The following TRPA1 variants were observed in gnomAD, a reference collection of about 807,000 sequenced individuals.
TRPA1 encodes the protein ankyrin-like with transmembrane domains 1.
Under a neutral mutation model 131.3 loss-of-function variants are expected in TRPA1, and 129 were observed. The observed-to-expected ratio is 0.98, with a 90% CI of 0.85 to 1.14. TRPA1 has a LOEUF of 1.14. Ranked by LOEUF, TRPA1 falls within the 50% of genes most tolerant of loss-of-function variation. The pLI is 0.00. For synonymous variants in TRPA1, 441 were observed against 451.7 expected, an observed-to-expected ratio of 0.98 and a Z score of 0.30; for missense variants, 1,304 against 1,354.2, an observed-to-expected ratio of 0.96 and a Z score of 0.58.
chr8:72,034,160 G>T (rs1022560293), intron 22 of TRPA1, 88 bp downstream of exon 22: 8 of 1,283,314 alleles, frequency 6.2e-6, no homozygotes, highest in Non-Finnish European at 7.6e-6. Flanking sequence ...ATGTAATTAT[G>T]CATTTTCTAG....
chr8:72,063,065 C>A, intron 5 of TRPA1, 121 bp from the exon 6 acceptor site: 1 of 1,005,550 alleles, frequency 9.9e-7, no homozygotes, highest in South Asian at 1.6e-5. Context: ...CACATAAAAG[C>A]TTGTGTTTAA....
intron 23 of TRPA1, 82 bp downstream of exon 23, chr8:72,033,562 G>T: frequency 1.5e-6 from 2 of 1,317,838 alleles, no homozygotes; most frequent in Non-Finnish European, 2.1e-6. Flanking sequence ...AGTGGAGGAA[G>T]ATTAAAGAAG....
intron 3 of TRPA1, among the ~76,000 whole-genome samples, chr8:72,066,358 C>T (rs7824377): frequency 0.37 from 55,918 of 151,966 alleles, 10,768 homozygotes; most frequent in East Asian, 0.55. Context: ...TTTGAATTGG[C>T]CTACTGGAGG....
chr8:72,040,042 G>T (rs1183306757), intron 17 of TRPA1, among the ~76,000 whole-genome samples: 1 of 152,004 alleles, frequency 6.6e-6, no homozygotes, highest in East Asian at 1.9e-4. Flanking sequence ...ACTTAACCTA[G>T]CATAAGCTTT....
At chr8:72,057,887 C>A (rs967603935) in intron 8 of TRPA1, 71 bp from the exon 9 acceptor site, 2 of 1,129,476 alleles carry the variant, frequency 1.8e-6, no homozygotes, top group Non-Finnish European at 2.7e-6. Context: ...TAATCTCTAA[C>A]TAATGGTAAT....
chr8:72,078,923 T>G (rs1273089871), upstream of TRPA1, among the ~76,000 whole-genome samples: 1 of 152,012 alleles, frequency 6.6e-6, no homozygotes, highest in Non-Finnish European at 1.5e-5. Flanking sequence ...AAACTTAGTA[T>G]TGTCAATCTT....
chr8:72,033,182 C>T (rs1411598235), intron 23 of TRPA1, among the ~76,000 whole-genome samples: 1 of 152,206 alleles, frequency 6.6e-6, no homozygotes, highest in Non-Finnish European at 1.5e-5. Flanking sequence ...GAGATATGTT[C>T]CATAAAGGTC....
intron 4 of TRPA1, among the ~76,000 whole-genome samples, chr8:72,064,838 AATCATCTCC>A (rs201289594): frequency 6.6e-6 from 1 of 151,384 alleles, no homozygotes; most frequent in Non-Finnish European, 1.5e-5. Flanking sequence ...TCATGTAGAC[AATCATCTCC>A]ATCATCTCCA....
intron 17 of TRPA1, among the ~76,000 whole-genome samples, chr8:72,042,609 A>C (rs557237231): frequency 6.6e-6 from 1 of 151,928 alleles, no homozygotes; most frequent in Non-Finnish European, 1.5e-5. Context: ...AGATATTTGT[A>C]TAATAATGCT....
At chr8:72,038,157 T>G in intron 19 of TRPA1, 85 bp from the exon 20 acceptor site, 1 of 769,124 alleles carries the variant, frequency 1.3e-6, no homozygotes, top group Non-Finnish European at 2.1e-6. Context: ...TAAATTTCTT[T>G]TTTCTTTTTT....
At chr8:72,054,807 A>G (rs1805619485) in intron 12 of TRPA1, 1 of 152,450 alleles carries the variant, frequency 6.6e-6, no homozygotes, top group Non-Finnish European at 1.5e-5. Context: ...TAAGATATCA[A>G]ATGAAAAACC....
At chr8:72,031,676 A>C (rs1306380415) in intron 23 of TRPA1, among the ~76,000 whole-genome samples, 4 of 152,158 alleles carry the variant, frequency 2.6e-5, no homozygotes, top group Admixed American at 1.3e-4. Context: ...GCTGCTTCAC[A>C]TATTTTAGAT....
At chr8:72,062,687 T>C (rs1267579712) in intron 6 of TRPA1, 112 bp downstream of exon 6, 3 of 1,086,192 alleles carry the variant, frequency 2.8e-6, no homozygotes, top group Middle Eastern at 6.0e-4. Context: ...GAAGGAAATA[T>C]GTATTTCTTG....
rs573219551 is a variant in TRPA1 at position 72,046,515 on chromosome 8, T to G, written c.2059A>C (p.Asn687His). The G allele has an allele frequency of 3.2e-6, 5 of 1,559,002 alleles. No individual in the cohort carries two copies. The highest frequency in any genetic ancestry group is 4.4e-6 in the Non-Finnish European group (5 of 1,139,164). Residue 687 changes from asparagine (N) to histidine (H), a missense_variant and splice_region_variant, in exon 17 of 27, where the codon AAC (asparagine) becomes CAC (histidine). Asn to His is a moderately conservative substitution (Grantham distance 68, BLOSUM62 1). Transcript: ENST00000262209. ...GATAATGAAAACATTGAACTTACGT[T>G]GAGGGCTGTAAGCGGTTCATATATA... ...DVIYEPLTALNAMVQNNRIEL... is the reference protein window; with the variant it reads ...DVIYEPLTALHAMVQNNRIEL...
intron 17 of TRPA1, among the ~76,000 whole-genome samples, chr8:72,041,963 TACTG>T (rs1377433838): frequency 1.3e-5 from 2 of 151,804 alleles, no homozygotes; most frequent in Non-Finnish European, 2.9e-5. Context: ...AACAAAATTT[TACTG>T]ACTAATTAAG....
At chr8:72,044,118 T>C (rs1167821174) in intron 17 of TRPA1, among the ~76,000 whole-genome samples, 1 of 151,312 alleles carries the variant, frequency 6.6e-6, no homozygotes, top group Non-Finnish European at 1.5e-5. Context: ...TACAATAGTC[T>C]GGGGGGAATA....
intron 3 of TRPA1, among the ~76,000 whole-genome samples, chr8:72,067,938 G>A (rs543742427): frequency 1.4e-4 from 21 of 152,306 alleles, no homozygotes; most frequent in Non-Finnish European, 1.3e-4. Flanking sequence ...TACCAGCACA[G>A]TGCTGAGGAA....
Position 72,057,104 on chromosome 8 carries a change from T to G in TRPA1, c.1094-87A>C. On this transcript the variant is annotated intron_variant, in intron 9 of 26. Transcript: ENST00000262209. ...GATTTTCAACTTAGCAAAAAAAAAT[T>G]TGACTAAAAATATTGTCGACCTTTA... 3 of 1,054,490 alleles carry G rather than the reference T, an allele frequency of 2.8e-6. No individual in the cohort carries two copies. The South Asian group carries it at 4.5e-5, about 16-fold the overall frequency. The allele number at this position is 1,054,490 out of a possible 1,614,324, so 65.3% of individuals were successfully genotyped here. A position where few individuals can be genotyped will look rare whatever the true frequency, so the allele number is the denominator to read the frequency against.
rs1811395103 is a variant in TRPA1, at chr8:72,021,642, T to G, written c.*1264A>C. On this transcript the variant is annotated 3_prime_UTR_variant, in exon 27 of 27. Transcript: ENST00000262209. ...GAACATCAGTATGTTTGAGAATGAG[T>G]GCAGGAAGGTGGAGGTAACCAAGCT... is the stretch of plus-strand genomic sequence containing the variant. 1 of 147,038 alleles carries G rather than the reference T, an allele frequency of 6.8e-6. No homozygotes were observed. The highest frequency in any genetic ancestry group is 6.8e-5 in the Admixed American group (1 of 14,626). 9.1% of individuals were successfully genotyped at this position (147,038 alleles called of 1,614,324 possible).
Sources: gnomAD v4.1 joint callset for allele counts (sites outside exome capture counted in the v4.1 genomes callset) on GRCh38, gnomAD v4.1.1 for gene constraint, MANE v1.5 for transcripts, NCBI Gene and HGNC (gene_info 2026-07-23, HGNC 2026-07-21) for gene names.